Variants in CCSER1 observed in about 807,000 individuals in gnomAD.
CCSER1 encodes the protein serine-rich coiled-coil domain-containing protein 1.
A neutral mutation model predicts 82.0 loss-of-function variants in CCSER1; 41 were observed. The observed-to-expected ratio is 0.50, with a 90% CI of 0.39 to 0.65. The LOEUF (loss-of-function observed/expected upper bound fraction) is 0.65. Among genes scored for constraint, CCSER1 ranks in the 30% least tolerant of loss-of-function variants. The pLI is 0.00. For synonymous variants in CCSER1, 414 were observed against 383.9 expected, an observed-to-expected ratio of 1.08 and a Z score of -0.92; for missense variants, 1,119 against 1,064.2, an observed-to-expected ratio of 1.05 and a Z score of -0.72.
Position 90,164,151 on chromosome 4 carries a change from G to A in CCSER1, c.-42+36320G>A, listed in dbSNP as rs200168077. On this transcript the variant is annotated intron_variant, in intron 1 of 10. Coordinates refer to ENST00000509176, the MANE Select transcript of CCSER1 (RefSeq NM_001145065.2). The stretch of plus-strand genomic sequence containing the variant: ...TTAACCTCATAGTTCTCAAAATTCC[G>A]TGGCTTATGAGAACCTACATGAAAG... Among the ~76,000 whole-genome samples, 136 of 151,880 alleles carry A rather than the reference G, an allele frequency of 9.0e-4. 1 individual carries two copies. The highest frequency in any genetic ancestry group is 3.2e-3 in the African/African-American group (131 of 41,430).
chr4:90,308,914 A>G lies in CCSER1; in HGVS notation c.630A>G (p.Ser210=), dbSNP rs1315264186. 1 of 1,613,884 alleles carries G rather than the reference A, an allele frequency of 6.2e-7. No individual in the cohort carries two copies. Among genetic ancestry groups the G allele is most frequent in the Admixed American group, 1.7e-5 (1 of 59,970 alleles). The change falls in exon 2 of 11, where the codon TCA becomes TCG. Residue 210 remains serine (S), a synonymous_variant. Coordinates refer to ENST00000509176, the MANE Select transcript of CCSER1 (RefSeq NM_001145065.2). ...CATTGGTACAACAGTCTGAATTCTC[A>G]TTGGAAGTTACACAGTACCAAGAGA... ...SISLVQQSEF[S]LEVTQYQERE...
At chr4:91,071,616 C>T (rs1211766999) in intron 9 of CCSER1, among the ~76,000 whole-genome samples, 1 of 152,054 alleles carries the variant, frequency 6.6e-6, no homozygotes, top group African/African-American at 2.4e-5. Flanking sequence ...CATAATCTAG[C>T]TATTAATACT....
rs561552051 is a variant in CCSER1 at position 90,380,007 on chromosome 4, A to C, written c.1510-20029A>C. On this transcript the variant is annotated intron_variant, in intron 3 of 10. Transcript: ENST00000509176. ...CTCAGGAGAACTCACTCACTTTCCTAAGGATGGTACCAAGAGGGATGGTGC... is the reference window on the plus strand; with the variant it reads ...CTCAGGAGAACTCACTCACTTTCCTCAGGATGGTACCAAGAGGGATGGTGC... Among the ~76,000 whole-genome samples the C allele has an allele frequency of 1.3e-3, 203 of 152,242 alleles. 1 individual carries two copies. The highest frequency in any genetic ancestry group is 4.6e-3 in the African/African-American group (191 of 41,554).
chr4:90,875,612 A>G (rs1767098610), intron 8 of CCSER1, among the ~76,000 whole-genome samples: 1 of 152,196 alleles, frequency 6.6e-6, no homozygotes, highest in African/African-American at 2.4e-5. Flanking sequence ...GCATGTCACT[A>G]TAGTGCGGTT....
intron 6 of CCSER1, among the ~76,000 whole-genome samples, chr4:90,644,699 A>C (rs28491355): frequency 0.015 from 2,280 of 151,810 alleles, 30 homozygotes; most frequent in Middle Eastern, 0.031. Context: ...GCTCCCACTT[A>C]TAAGCGAGAA....
intron 10 of CCSER1, among the ~76,000 whole-genome samples, chr4:91,375,193 A>G (rs978250825): frequency 2.5e-4 from 38 of 152,312 alleles, no homozygotes; most frequent in African/African-American, 8.4e-4. Flanking sequence ...TCCAGCCTCC[A>G]TGGATGATTT....
chr4:91,415,425 C>G (rs1457198280), intron 10 of CCSER1, among the ~76,000 whole-genome samples: 1 of 152,088 alleles, frequency 6.6e-6, no homozygotes, highest in Non-Finnish European at 1.5e-5. Context: ...CCTGATTGCC[C>G]TGGCCAGAAA....
At chr4:90,817,886 T>C (rs1368848081) in intron 8 of CCSER1, among the ~76,000 whole-genome samples, 1 of 152,208 alleles carries the variant, frequency 6.6e-6, no homozygotes. Context: ...GACATTTTGT[T>C]ATGGTGGAGG....
At chr4:91,080,391 C>T (rs996553720) in intron 9 of CCSER1, among the ~76,000 whole-genome samples, 21 of 152,092 alleles carry the variant, frequency 1.4e-4, no homozygotes, top group African/African-American at 4.6e-4. Context: ...CACAACACAC[C>T]AGAATCTCTG....
intron 5 of CCSER1, among the ~76,000 whole-genome samples, chr4:90,576,497 T>C (rs2148606953): frequency 6.6e-6 from 1 of 152,298 alleles, no homozygotes; most frequent in Admixed American, 6.5e-5. Context: ...TCACTTCAAC[T>C]ATGAATCTTC....
chr4:91,213,779 C>G (rs1737023875), intron 10 of CCSER1, among the ~76,000 whole-genome samples: 1 of 152,074 alleles, frequency 6.6e-6, no homozygotes, highest in Non-Finnish European at 1.5e-5. Flanking sequence ...GTTTCTAAAC[C>G]TGATGTTGAG....
rs1207751812 is a variant in CCSER1 at position 90,781,799 on chromosome 4, AC to A, written c.2011-33962del. ...ATCTTTTATTTTGGCTTTTTTGATA[AC>A]TTTTATGTTTGCCTTGAGCAAGTCA... On this transcript the variant is annotated intron_variant, in intron 7 of 10. Transcript: ENST00000509176. 3.1e-6 allele frequency: 3 copies of A among 959,502 alleles called. No homozygotes were observed. The African/African-American group carries it at 5.3e-5, about 17-fold the overall frequency. 59.4% of individuals were successfully genotyped at this position (959,502 alleles called of 1,614,324 possible).
chr4:90,206,833 C>CT (rs1370539980), intron 1 of CCSER1, among the ~76,000 whole-genome samples: 1 of 150,792 alleles, frequency 6.6e-6, no homozygotes, highest in Non-Finnish European at 1.5e-5. Flanking sequence ...TTGTAGGTCT[C>CT]TAAGAACTTG....
At chr4:90,892,230 T>C (rs894250815) in intron 8 of CCSER1, among the ~76,000 whole-genome samples, 22 of 152,026 alleles carry the variant, frequency 1.4e-4, no homozygotes, top group African/African-American at 5.3e-4. Flanking sequence ...ATTTTTATAC[T>C]GTTATATCTT....
intron 10 of CCSER1, among the ~76,000 whole-genome samples, chr4:91,210,431 TA>T (rs971200735): frequency 1.3e-5 from 2 of 150,992 alleles, no homozygotes; most frequent in Non-Finnish European, 1.5e-5. Flanking sequence ...GGACAATTAA[TA>T]AAAAAAGAGT....
chr4:91,204,033 A>T (rs2149072616), intron 10 of CCSER1, among the ~76,000 whole-genome samples: 1 of 152,008 alleles, frequency 6.6e-6, no homozygotes, highest in African/African-American at 2.4e-5. Context: ...GTTTCCTGAG[A>T]TATAATTTTT....
chr4:90,685,241 C>A (rs945689696), intron 6 of CCSER1, among the ~76,000 whole-genome samples: 1 of 151,878 alleles, frequency 6.6e-6, no homozygotes, highest in Non-Finnish European at 1.5e-5. Context: ...CAACTTCAGG[C>A]TAGAACAAGA....
chr4:91,140,564 T>C (rs1413615114), intron 10 of CCSER1, among the ~76,000 whole-genome samples: 2 of 152,140 alleles, frequency 1.3e-5, no homozygotes, highest in Admixed American at 6.6e-5. Context: ...CAAGAAAGTA[T>C]TAATTCATTA....
intron 8 of CCSER1, among the ~76,000 whole-genome samples, chr4:90,862,072 G>A (rs1289271425): frequency 6.6e-6 from 1 of 151,280 alleles, no homozygotes; most frequent in Non-Finnish European, 1.5e-5. Flanking sequence ...CTAAGAATAG[G>A]TAGTTCAAAA....
Sources: gnomAD v4.1 joint callset for allele counts (sites outside exome capture counted in the v4.1 genomes callset) on GRCh38, gnomAD v4.1.1 for gene constraint, MANE v1.5 for transcripts, NCBI Gene and HGNC (gene_info 2026-07-23, HGNC 2026-07-21) for gene names.